The following EEA1 variants were observed in gnomAD, a reference collection of about 807,000 sequenced individuals.
The protein encoded by EEA1 is early endosome antigen 1, 162kD.
In EEA1, 111 loss-of-function variants were observed where a neutral mutation model predicts 209.2. The ratio of observed to expected loss-of-function variants is 0.53; its 90% CI spans 0.45 to 0.62. EEA1 has a LOEUF of 0.62. Ranked by LOEUF, EEA1 falls within the 20% of genes least tolerant of loss-of-function variation. EEA1 has a pLI of 0.00. For synonymous variants in EEA1, 536 were observed against 540.6 expected, an observed-to-expected ratio of 0.99 and a Z score of 0.12; for missense variants, 1,343 against 1,530.8, an observed-to-expected ratio of 0.88 and a Z score of 2.05.
chr12:92,811,418 G>T lies in EEA1; in HGVS notation c.2060C>A (p.Thr687Asn). The T allele has an allele frequency of 6.4e-7, 1 of 1,570,056 alleles. No homozygotes were observed. Residue 687 changes from threonine to asparagine, a missense_variant, in exon 17 of 29, where the codon ACT becomes AAT. Thr to Asn is a moderately conservative substitution (Grantham distance 65). Coordinates refer to ENST00000322349, the MANE Select transcript of EEA1 (RefSeq NM_003566.4). ...QDKQQELNKI[T>N]TQLDQVTAKL... ...TGCAGTGACCTGATCCAACTGAGTA[G>T]TAATCTTATTTAACTCCTTTAGAAA...
At chr12:92,869,752 CAAAAAAAAAAAAAAAAA>C (rs71069185) in intron 2 of EEA1, among the ~76,000 whole-genome samples, 901 of 26,762 alleles carry the variant, frequency 0.034, 17 homozygotes, top group Middle Eastern at 0.1. Context: ...GATTCTGCCT[CAAAAAAAAAAAAAAAAA>C]AAAAAAAAAA....
intron 14 of EEA1, 152 bp from the exon 15 acceptor site, chr12:92,816,552 C>T: frequency 1.6e-6 from 1 of 613,228 alleles, no homozygotes; most frequent in South Asian, 2.1e-5. Flanking sequence ...CAAAATATGT[C>T]AACATAGTAT....
chr12:92,809,177 G>A, intron 17 of EEA1, 21 bp from the exon 18 acceptor site: 1 of 1,521,620 alleles, frequency 6.6e-7, no homozygotes, highest in South Asian at 1.3e-5. Flanking sequence ...AATATGATAT[G>A]GCAGCCATTT....
At chr12:92,912,801 CTT>C (rs1880625469) in intron 1 of EEA1, among the ~76,000 whole-genome samples, 2 of 152,178 alleles carry the variant, frequency 1.3e-5, no homozygotes, top group Non-Finnish European at 2.9e-5. Context: ...CAGTATTTCA[CTT>C]TGTTTCTGAG....
intron 17 of EEA1, among the ~76,000 whole-genome samples, chr12:92,810,620 T>G (rs112977484): frequency 0.012 from 1,879 of 152,170 alleles, 35 homozygotes; most frequent in African/African-American, 0.043. Flanking sequence ...ACTTGAGAAG[T>G]TTTTGTTTAA....
rs1877660502 is a variant in EEA1 at position 92,852,210 on chromosome 12, CTT to C, written c.605_606del (p.Lys202ArgfsTer37). 3.1e-6 allele frequency: 5 copies of C among 1,592,578 alleles called. No homozygotes were observed. Among genetic ancestry groups the C allele is most frequent in the Non-Finnish European group, 4.3e-6 (5 of 1,170,634 alleles). On this transcript the variant is annotated frameshift_variant, in exon 8 of 29. Coordinates refer to ENST00000322349, the MANE Select transcript of EEA1 (RefSeq NM_003566.4). LOFTEE classifies it high-confidence loss of function. ...TTCAGATCTTGAATTACAGTTGCCT[CTT>C]TGTTTAATTCTTCTGTCAGACGTGT... ...KVTRLTEELN[K>X]EATVIQDLKT...
intron 16 of EEA1, among the ~76,000 whole-genome samples, 179 bp downstream of exon 16, chr12:92,812,801 T>C (rs963178552): frequency 1.3e-5 from 2 of 152,252 alleles, no homozygotes; most frequent in Non-Finnish European, 2.9e-5. Flanking sequence ...GCTGTTATTT[T>C]TATCTCCATC....
chr12:92,859,063 C>T (rs1878015763), intron 3 of EEA1: 1 of 738,166 alleles, frequency 1.4e-6, no homozygotes. Flanking sequence ...TGGAGTTTCT[C>T]ATCCATTATC....
chr12:92,856,371 C>T (rs1374187656), intron 5 of EEA1, among the ~76,000 whole-genome samples: 1 of 152,020 alleles, frequency 6.6e-6, no homozygotes, highest in African/African-American at 2.4e-5. Flanking sequence ...CAAAAAAATC[C>T]TATTCAAAGA....
chr12:92,849,649 C>A (rs567105484), intron 9 of EEA1, among the ~76,000 whole-genome samples: 3 of 152,202 alleles, frequency 2.0e-5, no homozygotes, highest in Non-Finnish European at 4.4e-5. Flanking sequence ...TAAGGCCTTA[C>A]ATGCCTATGT....
chr12:92,874,469 G>A (rs1358035881), intron 2 of EEA1, among the ~76,000 whole-genome samples: 1 of 152,200 alleles, frequency 6.6e-6, no homozygotes, highest in Non-Finnish European at 1.5e-5. Flanking sequence ...AGGTTCAAGC[G>A]ATTCTCCTGC....
At chr12:92,804,905 C>T (rs754742160) in intron 18 of EEA1, among the ~76,000 whole-genome samples, 2 of 152,022 alleles carry the variant, frequency 1.3e-5, no homozygotes, top group Non-Finnish European at 2.9e-5. Flanking sequence ...AGGTAGTACT[C>T]CAGAAATGTG....
intron 3 of EEA1, chr12:92,857,931 A>C: frequency 4.6e-6 from 1 of 217,632 alleles, no homozygotes. Flanking sequence ...CATACTGAGA[A>C]AAAGCCCTGG....
intron 21 of EEA1, among the ~76,000 whole-genome samples, chr12:92,796,416 TG>T (rs1163417978): frequency 1.3e-5 from 2 of 151,978 alleles, no homozygotes; most frequent in African/African-American, 4.8e-5. Context: ...TTGTTTTTAC[TG>T]TATTTTAAAT....
At chr12:92,787,608 GCATAATACTTACATAA>G (rs1232614314) in intron 22 of EEA1, among the ~76,000 whole-genome samples, 9 of 151,888 alleles carry the variant, frequency 5.9e-5, no homozygotes. Context: ...CACAAAGACA[GCATAATACTTACATAA>G]GTTAACAGTG....
intron 15 of EEA1, among the ~76,000 whole-genome samples, chr12:92,814,639 C>G (rs768684992): frequency 1.3e-5 from 2 of 152,066 alleles, no homozygotes; most frequent in Non-Finnish European, 2.9e-5. Flanking sequence ...ATATAGCCAG[C>G]CCCTCTGTTT....
At position 92,817,359 on chromosome 12, in the gene EEA1, A is replaced by AT. The variant is rs199773571; in HGVS notation, c.1729-960dup. Among the ~76,000 whole-genome samples, 994 of 148,028 alleles carry AT rather than the reference A, an allele frequency of 6.7e-3. 10 individuals are homozygous for AT. Among genetic ancestry groups the AT allele is most frequent in the African/African-American group, 0.022 (887 of 40,404 alleles). On this transcript the variant is annotated intron_variant, in intron 14 of 28. Coordinates refer to ENST00000322349, the MANE Select transcript of EEA1 (RefSeq NM_003566.4). ...TATCTCTAAAAGTTCAATTATTTTT[A>AT]TTTTTTTTTTACCATTTCTGTTTTT... is the stretch of plus-strand genomic sequence containing the variant.
intron 18 of EEA1, among the ~76,000 whole-genome samples, chr12:92,808,477 TA>T (rs1401305696): frequency 4.7e-5 from 7 of 149,722 alleles, no homozygotes; most frequent in South Asian, 2.1e-4. Context: ...AAGCTGAGGT[TA>T]TTTTTTTTTT....
At chr12:92,857,588 T>TTTCAATTCAAAAAAAAACTACGGAAGA (rs1420148860) in intron 3 of EEA1, 103 bp from the exon 4 acceptor site, 6 of 685,168 alleles carry the variant, frequency 8.8e-6, no homozygotes, top group Non-Finnish European at 1.4e-5. Context: ...ATTATAGTTT[T>TTTCAATTCAAAAAAAAACTACGGAAGA]TTCAATTCAA....
Sources: allele counts gnomAD v4.1 joint callset (sites outside exome capture counted in the v4.1 genomes callset), GRCh38; gene constraint gnomAD v4.1.1; transcripts MANE v1.5; gene names NCBI Gene and HGNC (gene_info 2026-07-23, HGNC 2026-07-21).